FBXL17: variants seen among roughly 807,000 people sequenced by gnomAD.
FBXL17 encodes F-box and leucine rich repeat protein 17.
FBXL17 carries 22 observed loss-of-function variants against 66.2 expected under a neutral mutation model. That is an observed-to-expected ratio of 0.33 (90% confidence interval 0.24 to 0.47). The LOEUF (loss-of-function observed/expected upper bound fraction) is 0.47. Among genes scored for constraint, FBXL17 ranks in the 20% least tolerant of loss-of-function variants. The pLI is 1.00. For missense variants in FBXL17, 878 were observed against 948.2 expected, an observed-to-expected ratio of 0.93 and a Z score of 0.97; for synonymous variants, 474 against 400.5, an observed-to-expected ratio of 1.18 and a Z score of -2.19.
chr5:108,055,280 G>GAAAAAAAAAAAAAAAAAA (rs1000211060), intron 6 of FBXL17, among the ~76,000 whole-genome samples: 3 of 23,692 alleles, frequency 1.3e-4, no homozygotes, highest in Non-Finnish European at 2.4e-4. Context: ...AGAATTTTTA[G>GAAAAAAAAAAAAAAAAAA]AAAAAAAAAA....
chr5:108,359,960 T>A (rs1013536269), intron 3 of FBXL17, among the ~76,000 whole-genome samples: 1 of 152,102 alleles, frequency 6.6e-6, no homozygotes, highest in African/African-American at 2.4e-5. Context: ...CTATATATAT[T>A]TTAAGGATTC....
chr5:108,082,844 G>A (rs1032823617), intron 6 of FBXL17, among the ~76,000 whole-genome samples: 6 of 152,192 alleles, frequency 3.9e-5, no homozygotes, highest in Non-Finnish European at 7.3e-5. Flanking sequence ...TAAAAAGATT[G>A]TAGAACTAAA....
chr5:108,202,287 G>A (rs950639591), intron 5 of FBXL17, among the ~76,000 whole-genome samples: 12 of 152,050 alleles, frequency 7.9e-5, no homozygotes, highest in Non-Finnish European at 4.4e-5. Context: ...TATTACCATT[G>A]AAGTTGCTGA....
At chr5:108,301,911 T>C (rs1297556392) in intron 4 of FBXL17, 1 of 415,656 alleles carries the variant, frequency 2.4e-6, no homozygotes, top group East Asian at 1.6e-4. Flanking sequence ...TCCAGATATG[T>C]CTCATTCTTA....
At chr5:108,083,218 A>AACACACACACACACACACACAC (rs756726228) in intron 6 of FBXL17, among the ~76,000 whole-genome samples, 8 of 144,598 alleles carry the variant, frequency 5.5e-5, no homozygotes, top group Non-Finnish European at 7.6e-5. Context: ...CTCACCTCAG[A>AACACACACACACACACACACAC]ACACACACAC....
At chr5:108,139,925 C>T (rs1436898019) in intron 6 of FBXL17, among the ~76,000 whole-genome samples, 3 of 152,166 alleles carry the variant, frequency 2.0e-5, no homozygotes, top group Non-Finnish European at 2.9e-5. Flanking sequence ...CTCTCACTTA[C>T]ATCTCTCTCT....
rs55643516 is a variant in FBXL17 at position 107,946,255 on chromosome 5, TTATATATATATATA to T, written c.1823-65090_1823-65077del. ...TATTATTACTTTTATCAATCTCATT[TTATATATATATATA>T]TATATATATATATATATATATATAT... On this transcript the variant is annotated intron_variant, in intron 7 of 8. Transcript: ENST00000542267. Among the ~76,000 whole-genome samples the T allele has an allele frequency of 5.3e-3, 216 of 40,378 alleles. 2 individuals carry two copies. The highest frequency in any genetic ancestry group is 0.022 in the East Asian group (47 of 2,116). 26.5% of individuals were successfully genotyped at this position (40,378 alleles called of 152,430 possible).
At chr5:108,313,602 C>A (rs1759224017) in intron 4 of FBXL17, among the ~76,000 whole-genome samples, 1 of 151,970 alleles carries the variant, frequency 6.6e-6, no homozygotes, top group South Asian at 2.1e-4. Flanking sequence ...TTATCACAGG[C>A]TGGTACCAGG....
At chr5:108,272,288 C>A (rs1757307266) in intron 4 of FBXL17, among the ~76,000 whole-genome samples, 1 of 150,698 alleles carries the variant, frequency 6.6e-6, no homozygotes, top group Admixed American at 6.6e-5. Flanking sequence ...GACTCCATCT[C>A]CAAAAAAAAT....
At chr5:108,298,284 C>T in intron 4 of FBXL17, 1 of 984,802 alleles carries the variant, frequency 1.0e-6, no homozygotes. Context: ...ACAAGACACA[C>T]AGAATTTGGC....
intron 8 of FBXL17, 125 bp downstream of exon 8, chr5:107,880,907 ATATAC>A (rs1748767481): frequency 6.8e-7 from 1 of 1,463,566 alleles, no homozygotes. Context: ...ATAATTGCAT[ATATAC>A]ATATAAAATG....
chr5:107,994,082 G>A (rs1753371653), intron 7 of FBXL17, among the ~76,000 whole-genome samples: 1 of 151,902 alleles, frequency 6.6e-6, no homozygotes, highest in Non-Finnish European at 1.5e-5. Context: ...AAAATTTAAG[G>A]TGAAAATTGT....
chr5:108,281,659 G>C (rs964966100), intron 4 of FBXL17, among the ~76,000 whole-genome samples: 1 of 151,588 alleles, frequency 6.6e-6, no homozygotes, highest in African/African-American at 2.4e-5. Flanking sequence ...CCCCAAATTA[G>C]CAGAAGAAAC....
At chr5:108,176,402 T>A (rs965104544) in intron 6 of FBXL17, among the ~76,000 whole-genome samples, 5 of 152,174 alleles carry the variant, frequency 3.3e-5, no homozygotes, top group African/African-American at 1.2e-4. Context: ...TATGATTCTA[T>A]GGGAGCTCTT....
At chr5:107,975,045 AT>A (rs1186757718) in intron 7 of FBXL17, among the ~76,000 whole-genome samples, 1 of 152,186 alleles carries the variant, frequency 6.6e-6, no homozygotes, top group East Asian at 1.9e-4. Flanking sequence ...AGTCCTAAAA[AT>A]ATAGTAAGAT....
rs1013971391 is a variant in FBXL17 at position 108,079,076 on chromosome 5, T to C, written c.1746-58075A>G. ...GTGGTCCAGGCTGGTCTCAAACTCC[T>C]GGGCTCAAGTGATCCTCCTGCCTCA... On this transcript the variant is annotated intron_variant, in intron 6 of 8. Transcript: ENST00000542267. Among the ~76,000 whole-genome samples, 45 of 151,962 alleles carry C rather than the reference T, an allele frequency of 3.0e-4. 1 individual carries two copies. The highest frequency in any genetic ancestry group is 2.6e-4 in the Admixed American group (4 of 15,240).
chr5:108,108,780 G>GTTTTTTTTTTTTTTTTTTTTTTTT (rs201883285), intron 6 of FBXL17, among the ~76,000 whole-genome samples: 2 of 122,154 alleles, frequency 1.6e-5, no homozygotes. Flanking sequence ...CTCACACTTT[G>GTTTTTTTTTTTTTTTTTTTTTTTT]TTTTTGTTTT....
At chr5:108,321,060 C>CT (rs1759595529) in intron 4 of FBXL17, among the ~76,000 whole-genome samples, 2 of 151,694 alleles carry the variant, frequency 1.3e-5, no homozygotes, top group African/African-American at 2.4e-5. Flanking sequence ...TTCATGTTGC[C>CT]TAACCATAGA....
chr5:108,099,095 T>C (rs746921725), intron 6 of FBXL17, among the ~76,000 whole-genome samples: 6 of 152,172 alleles, frequency 3.9e-5, no homozygotes, highest in Non-Finnish European at 5.9e-5. Flanking sequence ...CTAACATTAA[T>C]GGCCTCATTA....
Sources: gnomAD v4.1 joint callset for allele counts (sites outside exome capture counted in the v4.1 genomes callset) on GRCh38, gnomAD v4.1.1 for gene constraint, MANE v1.5 for transcripts, NCBI Gene and HGNC (gene_info 2026-07-23, HGNC 2026-07-21) for gene names.